EXOC4: variants seen among roughly 807,000 people sequenced by gnomAD.
The protein encoded by EXOC4 is SEC8-like 1.
In EXOC4, 71 loss-of-function variants were observed where a neutral mutation model predicts 107.2. The ratio of observed to expected loss-of-function variants is 0.66; its 90% CI spans 0.55 to 0.81. The LOEUF (loss-of-function observed/expected upper bound fraction) is 0.81, where lower values mean the gene tolerates loss of function less well. Ranked by LOEUF, EXOC4 falls within the 30% of genes least tolerant of loss-of-function variation. The probability of loss-of-function intolerance (pLI) is 0.00; values close to 1 mark genes in which losing one functional copy is unlikely to be tolerated. For missense variants in EXOC4, 1,108 were observed against 1,189.6 expected (o/e 0.93, Z 1.01); for synonymous variants, 456 against 441.2 (o/e 1.03, Z -0.42).
chr7:133,665,088 A>G (rs1384842378), intron 10 of EXOC4, among the ~76,000 whole-genome samples: 1 of 152,142 alleles, frequency 6.6e-6, no homozygotes, highest in Non-Finnish European at 1.5e-5. Context: ...TGGTATTCAC[A>G]TGTCTTGCAA....
intron 15 of EXOC4, among the ~76,000 whole-genome samples, chr7:134,003,058 T>C (rs1794566211): frequency 6.6e-6 from 1 of 152,102 alleles, no homozygotes; most frequent in Admixed American, 6.6e-5. Flanking sequence ...CACCTAAACC[T>C]GGAAAGAATC....
chr7:133,368,023 C>T (rs2150677427), intron 6 of EXOC4, among the ~76,000 whole-genome samples: 1 of 152,318 alleles, frequency 6.6e-6, no homozygotes, highest in Non-Finnish European at 1.5e-5. Context: ...ATATTGCCAT[C>T]CTGCATTGCT....
chr7:133,897,826 C>T (rs1402211024), intron 12 of EXOC4, among the ~76,000 whole-genome samples: 2 of 152,078 alleles, frequency 1.3e-5, no homozygotes, highest in Non-Finnish European at 2.9e-5. Context: ...CATTACCTCT[C>T]ATACTTCTCT....
chr7:133,513,409 G>A (rs1362708596), intron 9 of EXOC4, among the ~76,000 whole-genome samples: 1 of 152,046 alleles, frequency 6.6e-6, no homozygotes, highest in Non-Finnish European at 1.5e-5. Context: ...TGTTTTCTAG[G>A]AAAAGCATTC....
At chr7:133,471,613 G>T (rs1798881136) in intron 7 of EXOC4, among the ~76,000 whole-genome samples, 1 of 152,086 alleles carries the variant, frequency 6.6e-6, no homozygotes, top group African/African-American at 2.4e-5. Context: ...TATTTGTATT[G>T]TAGATTTTTG....
intron 9 of EXOC4, among the ~76,000 whole-genome samples, chr7:133,582,356 A>C (rs571135693): frequency 6.6e-5 from 10 of 152,292 alleles, no homozygotes; most frequent in Admixed American, 3.3e-4. Flanking sequence ...GGATATGACC[A>C]CATTTTCTTT....
At chr7:133,367,460 T>C (rs890619749) in intron 6 of EXOC4, among the ~76,000 whole-genome samples, 1 of 152,026 alleles carries the variant, frequency 6.6e-6, no homozygotes, top group Admixed American at 6.5e-5. Context: ...GCAAAATAAT[T>C]ATTTGGGACT....
At chr7:133,589,387 C>G (rs887662939) in intron 9 of EXOC4, among the ~76,000 whole-genome samples, 29 of 152,274 alleles carry the variant, frequency 1.9e-4, no homozygotes, top group African/African-American at 7.0e-4. Flanking sequence ...TTCACCTGTC[C>G]ATTTTTGCTT....
chr7:133,621,538 C>A (rs547631384), intron 9 of EXOC4, among the ~76,000 whole-genome samples: 1 of 152,212 alleles, frequency 6.6e-6, no homozygotes, highest in Non-Finnish European at 1.5e-5. Flanking sequence ...TGCACATACA[C>A]GTGACATGCT....
At chr7:133,458,585 C>T (rs192858289) in intron 7 of EXOC4, among the ~76,000 whole-genome samples, 1 of 152,204 alleles carries the variant, frequency 6.6e-6, no homozygotes, top group African/African-American at 2.4e-5. Flanking sequence ...TAAGATCTCT[C>T]TGTAAAGGCA....
chr7:133,989,120 T>G (rs919048837), intron 14 of EXOC4, among the ~76,000 whole-genome samples: 6 of 152,130 alleles, frequency 3.9e-5, no homozygotes, highest in Non-Finnish European at 7.3e-5. Context: ...AAATAAATAT[T>G]AAGAAAATAT....
At chr7:133,847,599 G>A (rs1798157139) in intron 11 of EXOC4, among the ~76,000 whole-genome samples, 1 of 147,878 alleles carries the variant, frequency 6.8e-6, no homozygotes, top group South Asian at 2.1e-4. Flanking sequence ...TAGCCAGGCT[G>A]GTCTCAAACT....
chr7:133,287,549 G>A (rs1015919449), intron 2 of EXOC4, among the ~76,000 whole-genome samples: 1 of 152,132 alleles, frequency 6.6e-6, no homozygotes, highest in South Asian at 2.1e-4. Context: ...TCCTGACCTC[G>A]TGATCCACCC....
chr7:133,279,549 C>T (rs1386040265), intron 2 of EXOC4, among the ~76,000 whole-genome samples: 4 of 152,218 alleles, frequency 2.6e-5, no homozygotes, highest in African/African-American at 4.8e-5. Context: ...GAGAGGGTCT[C>T]TCTCCATCAC....
chr7:133,941,441 A>G (rs910083054), intron 14 of EXOC4, among the ~76,000 whole-genome samples: 2 of 152,174 alleles, frequency 1.3e-5, no homozygotes, highest in Non-Finnish European at 1.5e-5. Context: ...CTGGCTATAC[A>G]TTGTTCAGGA....
At chr7:134,010,536 C>T (rs905545887) in intron 17 of EXOC4, among the ~76,000 whole-genome samples, 4 of 152,180 alleles carry the variant, frequency 2.6e-5, no homozygotes, top group Admixed American at 6.5e-5. Context: ...GTGAAAGGGG[C>T]TCCATCAATT....
chr7:133,258,372 C>T (rs1390755608), intron 1 of EXOC4, among the ~76,000 whole-genome samples: 1 of 152,142 alleles, frequency 6.6e-6, no homozygotes, highest in Non-Finnish European at 1.5e-5. Flanking sequence ...ATTATTTGTA[C>T]ATAGATGTGG....
chr7:133,979,076 G>A (rs538682936), intron 14 of EXOC4, among the ~76,000 whole-genome samples: 5 of 152,240 alleles, frequency 3.3e-5, no homozygotes, highest in Admixed American at 2.0e-4. Flanking sequence ...AATATAAAAA[G>A]CATCTTTCCA....
In EXOC4 at chr7:133,723,963, T is replaced by C. The variant is rs1795161420; in HGVS notation, c.1515-93362T>C. On this transcript the variant is annotated intron_variant, in intron 10 of 17. Transcript: ENST00000253861. ...TGATCTACTAAATAAATAGATTTTATTTCCATAATGACTTATTTAGAATTA... is the reference window on the plus strand; with the variant it reads ...TGATCTACTAAATAAATAGATTTTACTTCCATAATGACTTATTTAGAATTA... 2.6e-5 allele frequency among the ~76,000 whole-genome samples: 4 copies of C among 152,166 alleles called. No individual in the cohort carries two copies. In the South Asian group the frequency reaches 8.3e-4, roughly 31 times the overall value.
Sources: allele counts gnomAD v4.1 joint callset (sites outside exome capture counted in the v4.1 genomes callset), GRCh38; gene constraint gnomAD v4.1.1; transcripts MANE v1.5; gene names NCBI Gene and HGNC (gene_info 2026-07-23, HGNC 2026-07-21).